STPG2: variants seen among roughly 807,000 people sequenced by gnomAD.
STPG2 encodes sperm tail PG-rich repeat containing 2.
STPG2 carries 56 observed loss-of-function variants against 54.2 expected under a neutral mutation model. That is an observed-to-expected ratio of 1.03 (90% CI 0.83 to 1.29). The LOEUF is 1.29. STPG2 is among the 50% of genes most tolerant of loss of function. STPG2 has a pLI of 0.00. For synonymous variants in STPG2, 200 were observed against 181.8 expected (o/e 1.10, Z -0.81); for missense variants, 596 against 544.9 (o/e 1.09, Z -0.93).
At chr4:97,521,873 G>A (rs1177263975) in intron 4 of STPG2, among the ~76,000 whole-genome samples, 1 of 151,902 alleles carries the variant, frequency 6.6e-6, no homozygotes, top group African/African-American at 2.4e-5. Context: ...TACTGGGAAG[G>A]CTGAGGCAGG....
At chr4:97,804,125 T>C (rs192904214) in intron 9 of STPG2, among the ~76,000 whole-genome samples, 2 of 152,358 alleles carry the variant, frequency 1.3e-5, no homozygotes, top group Admixed American at 1.3e-4. Flanking sequence ...CTTTGTCATA[T>C]GCATAAAACA....
At chr4:97,735,448 A>G (rs952161088) in intron 9 of STPG2, among the ~76,000 whole-genome samples, 5 of 151,530 alleles carry the variant, frequency 3.3e-5, no homozygotes, top group African/African-American at 1.2e-4. Flanking sequence ...CATTAGGTAC[A>G]ATGTACACTA....
intron 5 of STPG2, among the ~76,000 whole-genome samples, chr4:97,993,730 T>C (rs2149270966): frequency 6.6e-6 from 1 of 152,266 alleles, no homozygotes; most frequent in East Asian, 1.9e-4. Flanking sequence ...TTTTTATTGT[T>C]GGTAGCTTTT....
chr4:97,972,955 G>A (rs1485698778), intron 6 of STPG2, among the ~76,000 whole-genome samples: 2 of 152,114 alleles, frequency 1.3e-5, no homozygotes, highest in African/African-American at 4.8e-5. Context: ...CCACTCTTGG[G>A]TATGTCTTTT....
intron 5 of STPG2, among the ~76,000 whole-genome samples, chr4:98,016,753 A>T (rs1479228260): frequency 6.6e-6 from 1 of 152,022 alleles, no homozygotes; most frequent in Non-Finnish European, 1.5e-5. Flanking sequence ...CTATTCATAG[A>T]TCTCCATTTC....
chr4:97,953,596 C>G (rs1378284650), intron 7 of STPG2, among the ~76,000 whole-genome samples: 1 of 152,174 alleles, frequency 6.6e-6, no homozygotes, highest in Non-Finnish European at 1.5e-5. Flanking sequence ...CACTGGAGAC[C>G]AAAAATGCCT....
At chr4:97,645,023 G>A (rs1251964350) in intron 10 of STPG2, among the ~76,000 whole-genome samples, 2 of 152,036 alleles carry the variant, frequency 1.3e-5, no homozygotes, top group Non-Finnish European at 2.9e-5. Context: ...AAAGGAAGCT[G>A]AGATGTGCTT....
chr4:97,840,997 A>C, intron 8 of STPG2, 65 bp from the exon 9 acceptor site: 1 of 1,495,388 alleles, frequency 6.7e-7, no homozygotes, highest in Non-Finnish European at 9.1e-7. Flanking sequence ...AGAAGATACC[A>C]GATGGATGGT....
chr4:97,504,124 ATATTT>A (rs1263201355), intron 4 of STPG2, among the ~76,000 whole-genome samples: 2 of 142,438 alleles, frequency 1.4e-5, no homozygotes, highest in Non-Finnish European at 3.1e-5. Flanking sequence ...ATTTATTTAA[ATATTT>A]TATTTTATTT....
At chr4:98,003,914 G>T (rs1735492376) in intron 5 of STPG2, among the ~76,000 whole-genome samples, 2 of 152,112 alleles carry the variant, frequency 1.3e-5, no homozygotes, top group South Asian at 2.1e-4. Context: ...GATGTACAAT[G>T]TGATGTTTTG....
At chr4:98,126,684 A>T (rs1281648849) in intron 3 of STPG2, among the ~76,000 whole-genome samples, 2 of 152,182 alleles carry the variant, frequency 1.3e-5, no homozygotes, top group Non-Finnish European at 2.9e-5. Context: ...AGCTGCTTCT[A>T]ATTGGCCATC....
intron 5 of STPG2, among the ~76,000 whole-genome samples, chr4:98,041,819 C>A (rs1736968544): frequency 6.6e-6 from 1 of 151,670 alleles, no homozygotes; most frequent in Non-Finnish European, 1.5e-5. Context: ...CCTTGTCTGG[C>A]TTTGCTATCA....
At chr4:97,924,950 T>G (rs1021753682) in intron 8 of STPG2, among the ~76,000 whole-genome samples, 6 of 152,238 alleles carry the variant, frequency 3.9e-5, no homozygotes, top group African/African-American at 1.4e-4. Flanking sequence ...CAGAATTTAT[T>G]TCTCAGAGAT....
At chr4:97,999,365 C>G (rs1735339863) in intron 5 of STPG2, among the ~76,000 whole-genome samples, 4 of 152,184 alleles carry the variant, frequency 2.6e-5, no homozygotes, top group Non-Finnish European at 5.9e-5. Flanking sequence ...CTATGACACA[C>G]TCCTGGCTAA....
chr4:97,831,268 G>A (rs1035400689), intron 9 of STPG2, among the ~76,000 whole-genome samples: 1 of 152,172 alleles, frequency 6.6e-6, no homozygotes, highest in Admixed American at 6.6e-5. Context: ...GCTCCTGAAT[G>A]AATACTGGGT....
chr4:97,486,845 A>ATATGTATG (rs1730375254), intron 4 of STPG2, among the ~76,000 whole-genome samples: 4 of 137,140 alleles, frequency 2.9e-5, no homozygotes, highest in African/African-American at 1.2e-4. Context: ...ATATATATAT[A>ATATGTATG]TATGTATGTA....
At chr4:97,896,499 A>G (rs1295665536) in intron 8 of STPG2, among the ~76,000 whole-genome samples, 2 of 151,762 alleles carry the variant, frequency 1.3e-5, no homozygotes, top group East Asian at 1.9e-4. Flanking sequence ...GGTAAGGATG[A>G]CAGAAAATTT....
intron 10 of STPG2, among the ~76,000 whole-genome samples, chr4:97,634,749 G>C (rs2148937224): frequency 6.6e-6 from 1 of 152,132 alleles, no homozygotes; most frequent in South Asian, 2.1e-4. Context: ...AGCAATGGAA[G>C]ATGAAATGAA....
intron 5 of STPG2, among the ~76,000 whole-genome samples, chr4:98,052,019 G>A (rs1820487): frequency 0.39 from 58,901 of 150,958 alleles, 11,724 homozygotes; most frequent in Middle Eastern, 0.45. Flanking sequence ...CACGGGAGGC[G>A]GAGGTTGAAG....
Sources: gnomAD v4.1 joint callset for allele counts (sites outside exome capture counted in the v4.1 genomes callset) on GRCh38, gnomAD v4.1.1 for gene constraint, MANE v1.5 for transcripts, NCBI Gene and HGNC (gene_info 2026-07-23, HGNC 2026-07-21) for gene names.